Variants in SH3BP4 observed in about 807,000 individuals in gnomAD.
SH3BP4 encodes SH3 domain-binding protein 4.
Under a neutral mutation model 65.5 loss-of-function variants are expected in SH3BP4, and 33 were observed. That is an observed-to-expected ratio of 0.50 (90% CI 0.38 to 0.67). The LOEUF (loss-of-function observed/expected upper bound fraction) is 0.67, where lower values mean the gene tolerates loss of function less well. Among genes scored for constraint, SH3BP4 ranks in the 30% least tolerant of loss-of-function variants. SH3BP4 has a pLI of 0.00. For synonymous variants in SH3BP4, 552 were observed against 545.5 expected, an observed-to-expected ratio of 1.01 and a Z score of -0.17; for missense variants, 1,134 against 1,261.4, an observed-to-expected ratio of 0.90 and a Z score of 1.53.
At chr2:234,993,742 C>T (rs1320177521) in intron 1 of SH3BP4, among the ~76,000 whole-genome samples, 6 of 152,196 alleles carry the variant, frequency 3.9e-5, no homozygotes, top group Admixed American at 3.9e-4. Context: ...GAGAGACATT[C>T]TGAAGAGCTC....
intron 3 of SH3BP4, among the ~76,000 whole-genome samples, chr2:235,038,366 A>AATATATATATACAT (rs1231135377): frequency 5.0e-5 from 2 of 39,680 alleles, no homozygotes; most frequent in African/African-American, 2.3e-4. Context: ...ATATATATAT[A>AATATATATATACAT]ATATATATAC....
At chr2:234,989,947 A>T (rs1693698994) in intron 1 of SH3BP4, among the ~76,000 whole-genome samples, 1 of 152,202 alleles carries the variant, frequency 6.6e-6, no homozygotes, top group African/African-American at 2.4e-5. Context: ...TTCAGCACCA[A>T]CGTGATGCCA....
rs548927990 is a variant in SH3BP4, at chr2:235,034,738, C to T, written c.-132-133C>T. Reference sequence around the variant, plus strand: ...GCAAGCGCTGCTCTGCTCTGTTGGGCCAGGAAAGATGAAATGGGTCTGTCC... The same window carrying T: ...GCAAGCGCTGCTCTGCTCTGTTGGGTCAGGAAAGATGAAATGGGTCTGTCC... On this transcript the variant is annotated intron_variant, in intron 2 of 5. Transcript: ENST00000392011. The surrounding 1 kb of genome is among the most constrained non-coding windows in gnomAD (Gnocchi z 6.2). 14 of 440,218 alleles carry T rather than the reference C, an allele frequency of 3.2e-5. No individual in the cohort carries two copies. Among genetic ancestry groups the T allele is most frequent in the East Asian group, 8.7e-5 (2 of 22,934 alleles). 27.3% of individuals were successfully genotyped at this position (440,218 alleles called of 1,614,324 possible).
rs1041915612 is a variant in SH3BP4, at chr2:235,041,144, T to A, written c.375T>A (p.Ile125=). The A allele has an allele frequency of 1.1e-5, 18 of 1,613,984 alleles. No individual in the cohort carries two copies. The highest frequency in any genetic ancestry group is 1.5e-5 in the Non-Finnish European group (18 of 1,180,022). Residue 125 remains isoleucine, a synonymous_variant, in exon 4 of 6, where the codon ATT becomes ATA. Transcript: ENST00000392011. This position sits in a 1 kb window ranked among gnomAD's most constrained non-coding sequence, Gnocchi z 6.0. ...CAACACTGAGTGACAGCGGTATGAT[T>A]GATAATCTTCCAGACAGCCCAGACG... ...RNSTLSDSGM[I]DNLPDSPDEV...
At chr2:234,955,305 C>G (rs963293653) in intron 1 of SH3BP4, among the ~76,000 whole-genome samples, 1 of 152,178 alleles carries the variant, frequency 6.6e-6, no homozygotes, top group Non-Finnish European at 1.5e-5. Context: ...TGGGCTAGGT[C>G]TCTGGGCTCC....
chr2:235,023,581 T>G (rs1694908072), intron 2 of SH3BP4, among the ~76,000 whole-genome samples: 1 of 152,060 alleles, frequency 6.6e-6, no homozygotes, highest in Non-Finnish European at 1.5e-5. Context: ...GAATGGAAAT[T>G]CATTTTATAA....
rs1211348985 is a variant in SH3BP4, at chr2:235,026,103, G to A, written c.-132-8768G>A. ...TGTGCTGAGAACAACCCTACAGAGGGGATGGGGGAGGGATGGGGCCAGGAA... is the reference window on the plus strand; with the variant it reads ...TGTGCTGAGAACAACCCTACAGAGGAGATGGGGGAGGGATGGGGCCAGGAA... On this transcript the variant is annotated intron_variant, in intron 2 of 5. Coordinates refer to ENST00000392011, the MANE Select transcript of SH3BP4 (RefSeq NM_014521.3). This position sits in a 1 kb window ranked among gnomAD's most constrained non-coding sequence, Gnocchi z 4.6. 6.6e-6 allele frequency among the ~76,000 whole-genome samples: 1 copy of A among 152,116 alleles called. No homozygotes were observed. Among genetic ancestry groups the A allele is most frequent in the Non-Finnish European group, 1.5e-5 (1 of 68,032 alleles).
intron 1 of SH3BP4, among the ~76,000 whole-genome samples, chr2:234,986,249 C>T (rs1693557293): frequency 6.6e-6 from 1 of 152,210 alleles, no homozygotes; most frequent in African/African-American, 2.4e-5. Context: ...AAGGATAAGA[C>T]TTAACTGTGG....
intron 4 of SH3BP4, among the ~76,000 whole-genome samples, chr2:235,050,546 G>C (rs533028596): frequency 9.9e-5 from 15 of 152,130 alleles, no homozygotes; most frequent in Non-Finnish European, 1.9e-4. Flanking sequence ...ATGATCTGTC[G>C]CTCCTGGTTC....
chr2:235,041,548 C>A lies in SH3BP4; in HGVS notation c.779C>A (p.Pro260His). The A allele has an allele frequency of 2.5e-6, 4 of 1,614,156 alleles. No homozygotes were observed. The South Asian group carries it at 4.4e-5, about 18-fold the overall frequency. The change falls in exon 4 of 6, where the codon CCC (proline) becomes CAC (histidine). Residue 260 changes from proline to histidine, a missense_variant. Coordinates refer to ENST00000392011, the MANE Select transcript of SH3BP4 (RefSeq NM_014521.3). This position sits in a 1 kb window ranked among gnomAD's most constrained non-coding sequence, Gnocchi z 6.0. The part of the protein sequence containing the change: ...LSVLQAKSDA[P>H]TSSSFFTGLK... The stretch of plus-strand genomic sequence containing the variant: ...GTCCTCCAAGCCAAGTCCGATGCTC[C>A]CACATCGTCGAGTTTCTTCACCGGC...
intron 3 of SH3BP4, 126 bp from the exon 4 acceptor site, chr2:235,040,762 C>T: frequency 1.3e-6 from 1 of 787,862 alleles, no homozygotes; most frequent in Non-Finnish European, 2.1e-6. Context: ...TGGTTTGTTT[C>T]TGTTGGTGAC....
At chr2:235,025,809 T>A (rs1694983111) in intron 2 of SH3BP4, among the ~76,000 whole-genome samples, 2 of 152,194 alleles carry the variant, frequency 1.3e-5, no homozygotes, top group Non-Finnish European at 2.9e-5. Context: ...AGGCACTGTT[T>A]CAGGGGGTCA....
chr2:235,050,913 G>A (rs144429421), intron 4 of SH3BP4, among the ~76,000 whole-genome samples: 8 of 152,274 alleles, frequency 5.3e-5, no homozygotes, highest in East Asian at 1.9e-4. Flanking sequence ...GAAACAGAGC[G>A]TAGAGAGAAA....
chr2:234,971,865 G>A (rs1693010883), intron 1 of SH3BP4, among the ~76,000 whole-genome samples: 1 of 151,628 alleles, frequency 6.6e-6, no homozygotes, highest in Admixed American at 6.6e-5. Context: ...TCGCTAGGCT[G>A]GAGTGCAATG....
At chr2:235,040,451 T>C (rs1051392184) in intron 3 of SH3BP4, among the ~76,000 whole-genome samples, 3 of 151,590 alleles carry the variant, frequency 2.0e-5, no homozygotes, top group African/African-American at 7.3e-5. Flanking sequence ...TCATTTCCAG[T>C]CCCTGATCAC....
rs777618633 is a variant in SH3BP4, at chr2:235,026,193, A to C, written c.-132-8678A>C. 1.3e-5 allele frequency among the ~76,000 whole-genome samples: 2 copies of C among 152,118 alleles called. No homozygotes were observed. The highest frequency in any genetic ancestry group is 2.4e-5 in the African/African-American group (1 of 41,412). On this transcript the variant is annotated intron_variant, in intron 2 of 5. Coordinates refer to ENST00000392011, the MANE Select transcript of SH3BP4 (RefSeq NM_014521.3). The surrounding 1 kb of genome is among the most constrained non-coding windows in gnomAD (Gnocchi z 4.6). ...GGCCAGGTAAGAAGCTCAGGCCTTG[A>C]AGAGGGATTCACACGCCCTCCCCTC... is the stretch of plus-strand genomic sequence containing the variant.
chr2:234,959,711 G>A (rs79688591), intron 1 of SH3BP4, among the ~76,000 whole-genome samples: 5,922 of 149,868 alleles, frequency 0.04, 396 homozygotes, highest in African/African-American at 0.14. Context: ...GAGTGCAATG[G>A]CACGATCTCG....
chr2:234,984,554 G>A (rs755752962), intron 1 of SH3BP4, among the ~76,000 whole-genome samples: 1 of 152,132 alleles, frequency 6.6e-6, no homozygotes, highest in Non-Finnish European at 1.5e-5. Flanking sequence ...CCCCTTTGCT[G>A]AGTATAAGTG....
At chr2:234,968,150 T>C (rs886246071) in intron 1 of SH3BP4, among the ~76,000 whole-genome samples, 7 of 152,124 alleles carry the variant, frequency 4.6e-5, no homozygotes, top group African/African-American at 1.4e-4. Flanking sequence ...GCAATGATAA[T>C]AGATGGAGTG....
Sources: allele counts gnomAD v4.1 joint callset (sites outside exome capture counted in the v4.1 genomes callset), GRCh38; gene constraint gnomAD v4.1.1; non-coding constraint Gnocchi (gnomAD v3.1); transcripts MANE v1.5; gene names NCBI Gene and HGNC (gene_info 2026-07-23, HGNC 2026-07-21).